The following CASP4 variants were observed in gnomAD, a reference collection of about 807,000 sequenced individuals.
CASP4 encodes the protein caspase-4.
In CASP4, 29 loss-of-function variants were observed where a neutral mutation model predicts 41.3. The ratio of observed to expected loss-of-function variants is 0.70; its 90% CI spans 0.52 to 0.96. The LOEUF is 0.96. Ranked by LOEUF, CASP4 falls within the 40% of genes least tolerant of loss-of-function variation. The pLI, the probability that CASP4 is intolerant of heterozygous loss-of-function variation, is 0.00. For synonymous variants in CASP4, 185 were observed against 158.4 expected (o/e 1.17, Z -1.26); for missense variants, 447 against 460.6 (o/e 0.97, Z 0.27).
chr11:104,958,958 CTCAAA>C (rs1860798689), intron 1 of CASP4, among the ~76,000 whole-genome samples: 1 of 50,324 alleles, frequency 2.0e-5, no homozygotes, highest in African/African-American at 8.3e-5. Context: ...GAGACTCTGT[CTCAAA>C]AAAAAAAAAA....
rs1268294132 is a variant in CASP4 at position 104,948,572 on chromosome 11, C to T, written c.886G>A (p.Val296Met). ...CAGAAAGCAATGAAGTCCTTCTCCACGTGGGTCTTGTAAACAGCATCTTCC... is the reference window on the plus strand; with the variant it reads ...CAGAAAGCAATGAAGTCCTTCTCCATGTGGGTCTTGTAAACAGCATCTTCC... ...LEEDAVYKTH[V>M]EKDFIAFCSS... The change falls in exon 6 of 9, where the codon GTG (valine) becomes ATG (methionine). Residue 296 changes from valine to methionine, a missense_variant. Physicochemically the swap from Val to Met is conservative, Grantham distance 21. Coordinates refer to ENST00000444739, the MANE Select transcript of CASP4 (RefSeq NM_001225.4). 30 of 1,610,828 alleles carry T rather than the reference C, an allele frequency of 1.9e-5. No individual in the cohort carries two copies. Among genetic ancestry groups the T allele is most frequent in the African/African-American group, 8.0e-5 (6 of 74,848 alleles).
chr11:104,946,981 A>G, intron 7 of CASP4, 102 bp downstream of exon 7: 1 of 789,700 alleles, frequency 1.3e-6, no homozygotes, highest in Non-Finnish European at 2.2e-6. Flanking sequence ...GTACCTCTCT[A>G]CTTTCACTTC....
intron 7 of CASP4, among the ~76,000 whole-genome samples, chr11:104,945,451 T>G (rs1860433395): frequency 6.6e-6 from 1 of 152,044 alleles, no homozygotes; most frequent in African/African-American, 2.4e-5. Context: ...AGAGACGTGG[T>G]TTCACTATGT....
intron 1 of CASP4, among the ~76,000 whole-genome samples, chr11:104,964,222 A>C (rs12270162): frequency 0.041 from 6,246 of 152,216 alleles, 455 homozygotes; most frequent in African/African-American, 0.14. Flanking sequence ...CAGGTATAGG[A>C]CTCTGAGTGC....
chr11:104,963,088 A>C (rs1860898193), intron 1 of CASP4, among the ~76,000 whole-genome samples: 1 of 152,228 alleles, frequency 6.6e-6, no homozygotes, highest in Admixed American at 6.5e-5. Context: ...GTAATACGAA[A>C]TTTAAAAGGA....
At chr11:104,951,291 C>A (rs1424307964) in intron 3 of CASP4, 193 bp from the exon 4 acceptor site, 10 of 460,986 alleles carry the variant, frequency 2.2e-5, no homozygotes, top group Admixed American at 7.6e-5. Flanking sequence ...TATTAAGAAT[C>A]TTGAGGAAAC....
chr11:104,962,806 C>A (rs750270775), intron 1 of CASP4, among the ~76,000 whole-genome samples: 2 of 152,134 alleles, frequency 1.3e-5, no homozygotes, highest in Non-Finnish European at 2.9e-5. Flanking sequence ...AAGACTTTGC[C>A]TTTTGACATA....
chr11:104,951,407 G>A (rs1012347508), intron 3 of CASP4: 24 of 256,542 alleles, frequency 9.4e-5, no homozygotes, highest in Admixed American at 3.0e-4. Context: ...AGATGTTGTC[G>A]TTGACTCCAG....
At chr11:104,949,193 A>G in intron 5 of CASP4, 1 of 332,138 alleles carries the variant, frequency 3.0e-6, no homozygotes, top group South Asian at 3.7e-5. Context: ...TTCAAATGAA[A>G]TTCTTCTCAA....
At chr11:104,961,628 G>C (rs1860862219) in intron 1 of CASP4, among the ~76,000 whole-genome samples, 1 of 152,200 alleles carries the variant, frequency 6.6e-6, no homozygotes, top group Non-Finnish European at 1.5e-5. Context: ...CACGAGACTT[G>C]TCCTCAATCA....
At chr11:104,958,416 C>T (rs1860782815) in intron 1 of CASP4, among the ~76,000 whole-genome samples, 1 of 152,022 alleles carries the variant, frequency 6.6e-6, no homozygotes, top group Non-Finnish European at 1.5e-5. Flanking sequence ...ATACAAAGAA[C>T]ACAAACAATT....
At chr11:104,968,411 C>T in intron 1 of CASP4, 108 bp downstream of exon 1, 2 of 984,930 alleles carry the variant, frequency 2.0e-6, no homozygotes, top group Non-Finnish European at 3.2e-6. Context: ...AAAAGGAATT[C>T]AACATGTGTG....
At chr11:104,943,907 A>G (rs1462559465) in intron 8 of CASP4, 1 of 152,206 alleles carries the variant, frequency 6.6e-6, no homozygotes, top group African/African-American at 2.4e-5. Context: ...ATAAAATATA[A>G]TTTTAAGTAT....
intron 8 of CASP4, 28 bp downstream of exon 8, chr11:104,944,720 A>G: frequency 7.3e-7 from 1 of 1,374,822 alleles, no homozygotes; most frequent in Middle Eastern, 1.8e-4. Context: ...TTTATTTCAC[A>G]TACCACCAAC....
At chr11:104,943,102 A>G (rs924489871) in intron 8 of CASP4, 129 bp from the exon 9 acceptor site, 10 of 391,382 alleles carry the variant, frequency 2.6e-5, no homozygotes, top group African/African-American at 2.1e-4. Flanking sequence ...TCCATCTGTG[A>G]CATCTTAGTC....
At chr11:104,958,981 AAAAAAAG>A (rs1389324581) in intron 1 of CASP4, among the ~76,000 whole-genome samples, 1 of 149,706 alleles carries the variant, frequency 6.7e-6, no homozygotes, top group East Asian at 1.9e-4. Flanking sequence ...AAAAAAAAAA[AAAAAAAG>A]AGTAAATTAG....
Position 104,944,830 on chromosome 11 carries a change from G to C in CASP4, c.1057C>G (p.Pro353Ala). 4 of 1,612,884 alleles carry C rather than the reference G, an allele frequency of 2.5e-6. No individual in the cohort carries two copies. The highest frequency in any genetic ancestry group is 3.4e-6 in the Non-Finnish European group (4 of 1,179,010). The change falls in exon 8 of 9, where the codon CCA becomes GCA. Residue 353 changes from proline (P) to alanine (A), a missense_variant. By Grantham distance (27) the Pro-to-Ala change is conservative. Transcript: ENST00000444739. ...FRKVQQSFETPRAKAQMPTIE... is the reference protein window; with the variant it reads ...FRKVQQSFETARAKAQMPTIE... ...GTGGGCATTTGAGCTTTGGCCCTTG[G>C]AGTTTCAAATGATTGCTGTACCTGA...
intron 1 of CASP4, among the ~76,000 whole-genome samples, chr11:104,961,459 T>C (rs1396486741): frequency 1.3e-5 from 2 of 151,720 alleles, no homozygotes; most frequent in Admixed American, 1.3e-4. Flanking sequence ...TCCTTCCTTC[T>C]CTCGACTTGT....
chr11:104,967,165 G>A (rs998872907), intron 1 of CASP4, among the ~76,000 whole-genome samples: 1 of 152,150 alleles, frequency 6.6e-6, no homozygotes, highest in African/African-American at 2.4e-5. Context: ...GGTAATAATA[G>A]CTGTCTACAT....
Sources: allele counts gnomAD v4.1 joint callset (sites outside exome capture counted in the v4.1 genomes callset), GRCh38; gene constraint gnomAD v4.1.1; transcripts MANE v1.5; gene names NCBI Gene and HGNC (gene_info 2026-07-23, HGNC 2026-07-21).